ATP2C1: variants seen among roughly 807,000 people sequenced by gnomAD.
ATP2C1 encodes the protein ATPase secretory pathway Ca2+ transporting 1.
ATP2C1 carries 31 observed loss-of-function variants against 120.5 expected under a neutral mutation model. The observed-to-expected ratio is 0.26, with a 90% CI of 0.19 to 0.35. The LOEUF is 0.35. Among genes scored for constraint, ATP2C1 ranks in the 10% least tolerant of loss-of-function variants. The probability of loss-of-function intolerance (pLI) is 1.00; values close to 1 mark genes in which losing one functional copy is unlikely to be tolerated. For synonymous variants in ATP2C1, 351 were observed against 358.7 expected (o/e 0.98, Z 0.24); for missense variants, 731 against 1,107.5 (o/e 0.66, Z 4.83).
In ATP2C1 at chr3:130,953,926, A is replaced by G. The variant is rs756562113; in HGVS notation, c.637A>G (p.Arg213Gly). The change falls in exon 9 of 28, where the codon AGA becomes GGA. Residue 213 changes from arginine to glycine, a missense_variant. Physicochemically the swap from Arg to Gly is moderately radical, Grantham distance 125. This residue lies in a region of ATP2C1 where 571 missense variants were observed against 845.9 expected (regional missense o/e 0.67). Coordinates refer to ENST00000510168, the MANE Select transcript of ATP2C1 (RefSeq NM_001378687.1). ...PAATNGDLAS[R>G]SNIAFMGTLV... ...TGCAACTAATGGAGATCTTGCATCG[A>G]GAAGTAACATTGCCTTTATGGGAAC... is the stretch of plus-strand genomic sequence containing the variant. The G allele has an allele frequency of 6.8e-6, 11 of 1,613,988 alleles. No individual in the cohort carries two copies. The Admixed American group carries it at 1.3e-4, about 20-fold the overall frequency.
downstream of ATP2C1, among the ~76,000 whole-genome samples, chr3:131,004,014 G>A (rs2063005129): frequency 6.6e-6 from 1 of 152,074 alleles, no homozygotes; most frequent in African/African-American, 2.4e-5. Context: ...CATTTTTTTA[G>A]TACCTGGAGT....
At chr3:130,857,409 G>A (rs2067876305) in intron 1 of ATP2C1, among the ~76,000 whole-genome samples, 1 of 152,114 alleles carries the variant, frequency 6.6e-6, no homozygotes, top group Non-Finnish European at 1.5e-5. Flanking sequence ...GGTGCTTTCT[G>A]CTCCCTTAGT....
chr3:130,990,282 C>A (rs956163125), intron 20 of ATP2C1, among the ~76,000 whole-genome samples: 1 of 140,144 alleles, frequency 7.1e-6, no homozygotes, highest in African/African-American at 2.6e-5. Context: ...ACCCCCCCCC[C>A]CACAAAAAAA....
chr3:130,895,568 A>G (rs977561055), intron 2 of ATP2C1, among the ~76,000 whole-genome samples: 1 of 151,148 alleles, frequency 6.6e-6, no homozygotes, highest in African/African-American at 2.4e-5. Flanking sequence ...GTGCGTGATC[A>G]TTTTTTTTTC....
At chr3:130,873,416 ATTAAAT>A (rs993863261) in intron 1 of ATP2C1, among the ~76,000 whole-genome samples, 18 of 152,224 alleles carry the variant, frequency 1.2e-4, no homozygotes, top group South Asian at 2.1e-4. Context: ...TGTTTTGAGC[ATTAAAT>A]TTAATTATAT....
At chr3:130,945,529 C>T (rs866017957) in intron 8 of ATP2C1, among the ~76,000 whole-genome samples, 1 of 121,174 alleles carries the variant, frequency 8.3e-6, no homozygotes. Flanking sequence ...CCCCACCCCA[C>T]GACAGGCCCC....
intron 26 of ATP2C1, 89 bp from the exon 27 acceptor site, chr3:130,999,429 A>T: frequency 7.6e-7 from 1 of 1,313,164 alleles, no homozygotes; most frequent in Non-Finnish European, 1.1e-6. Flanking sequence ...ATAAAGTGAC[A>T]CTGCTTGTTA....
intron 20 of ATP2C1, among the ~76,000 whole-genome samples, chr3:130,991,094 C>A (rs912189258): frequency 2.0e-5 from 3 of 152,102 alleles, no homozygotes. Flanking sequence ...ATTCTGAGAC[C>A]TCTTATAGAG....
At chr3:130,865,609 G>A (rs958439447) in intron 1 of ATP2C1, among the ~76,000 whole-genome samples, 9 of 152,126 alleles carry the variant, frequency 5.9e-5, no homozygotes, top group Non-Finnish European at 1.3e-4. Flanking sequence ...GAATCATAGG[G>A]GCCAGTCTTC....
intron 2 of ATP2C1, among the ~76,000 whole-genome samples, chr3:130,925,388 G>A (rs1284613739): frequency 6.6e-6 from 1 of 152,194 alleles, no homozygotes; most frequent in Non-Finnish European, 1.5e-5. Flanking sequence ...TGCCAGGCTA[G>A]TACTGGCGAG....
At chr3:130,921,490 G>A (rs1415677998) in intron 2 of ATP2C1, among the ~76,000 whole-genome samples, 1 of 152,164 alleles carries the variant, frequency 6.6e-6, no homozygotes, top group African/African-American at 2.4e-5. Context: ...CCAGTACTAT[G>A]TTGAACTGAA....
intron 1 of ATP2C1, among the ~76,000 whole-genome samples, chr3:130,871,415 G>T (rs2068424425): frequency 6.6e-6 from 1 of 152,166 alleles, no homozygotes; most frequent in African/African-American, 2.4e-5. Context: ...CAGAATGCTG[G>T]GCCCCACCTC....
chr3:130,967,304 T>A (rs1204572074), intron 15 of ATP2C1, 26 bp from the exon 16 acceptor site: 1 of 1,612,676 alleles, frequency 6.2e-7, no homozygotes, highest in Non-Finnish European at 8.5e-7. Flanking sequence ...AGTGATAGGT[T>A]CATAGTTTAT....
chr3:130,999,103 T>C (rs2062769445), intron 26 of ATP2C1, among the ~76,000 whole-genome samples: 1 of 152,208 alleles, frequency 6.6e-6, no homozygotes, highest in South Asian at 2.1e-4. Context: ...TTTATTTTTT[T>C]ATGAAAAGTG....
rs1361056890 is a variant in ATP2C1, at chr3:131,001,345, G to A, written c.2755G>A (p.Val919Ile). 2 of 1,613,066 alleles carry A rather than the reference G, an allele frequency of 1.2e-6. No homozygotes were observed. The change falls in exon 28 of 28, where the codon GTA becomes ATA. Residue 919 changes from valine to isoleucine, a missense_variant. Coordinates refer to ENST00000510168, the MANE Select transcript of ATP2C1 (RefSeq NM_001378687.1). ...VSSTSSSFLE[V>I] ...TTCGACATCATCATCTTTTCTTGAA[G>A]TATGATGCATATTGCATTATTTTAT...
intron 2 of ATP2C1, among the ~76,000 whole-genome samples, chr3:130,900,911 A>AT (rs1295105193): frequency 6.6e-6 from 1 of 152,024 alleles, no homozygotes; most frequent in Non-Finnish European, 1.5e-5. Flanking sequence ...ATTTCACTAG[A>AT]TTTTGTTTGG....
intron 2 of ATP2C1, among the ~76,000 whole-genome samples, chr3:130,929,382 C>T (rs888869102): frequency 6.6e-6 from 1 of 152,146 alleles, no homozygotes; most frequent in Non-Finnish European, 1.5e-5. Flanking sequence ...TCTGTAATGA[C>T]ACTCTAATGT....
chr3:130,888,953 A>G (rs924727445), intron 1 of ATP2C1, among the ~76,000 whole-genome samples: 21 of 152,340 alleles, frequency 1.4e-4, no homozygotes, highest in African/African-American at 5.1e-4. Context: ...CACTTCGAAT[A>G]TTAAACACTG....
intron 20 of ATP2C1, among the ~76,000 whole-genome samples, chr3:130,988,857 C>T (rs1207470697): frequency 6.6e-6 from 1 of 152,150 alleles, no homozygotes; most frequent in African/African-American, 2.4e-5. Flanking sequence ...ACCAAGTCTC[C>T]ACTTCAGTCT....
Sources: allele counts gnomAD v4.1 joint callset (sites outside exome capture counted in the v4.1 genomes callset), GRCh38; gene constraint gnomAD v4.1.1; regional missense constraint gnomAD v4.1.1; transcripts MANE v1.5; gene names NCBI Gene and HGNC (gene_info 2026-07-23, HGNC 2026-07-21).